ANKRD36: variants seen among roughly 807,000 people sequenced by gnomAD.
The protein encoded by ANKRD36 is ankyrin repeat domain 36.
A neutral mutation model predicts 278.1 loss-of-function variants in ANKRD36; 179 were observed. The observed-to-expected ratio is 0.64, with a 90% CI of 0.57 to 0.73. The LOEUF is 0.73. ANKRD36 is among the 30% of genes least tolerant of loss of function. The pLI, the probability that ANKRD36 is intolerant of heterozygous loss-of-function variation, is 0.00. For synonymous variants in ANKRD36, 320 were observed against 641.1 expected (o/e 0.50, Z 7.57); for missense variants, 1,159 against 1,956.7 (o/e 0.59, Z 7.69).
At chr2:97,196,212 G>C (rs549308560) in intron 40 of ANKRD36, among the ~76,000 whole-genome samples, 1 of 152,094 alleles carries the variant, frequency 6.6e-6, no homozygotes, top group Admixed American at 6.5e-5. Context: ...CTTTTGATTT[G>C]TTGCGTGAAA....
intron 36 of ANKRD36, among the ~76,000 whole-genome samples, chr2:97,191,470 A>G (rs1488223899): frequency 6.6e-6 from 1 of 151,660 alleles, no homozygotes; most frequent in Non-Finnish European, 1.5e-5. Flanking sequence ...CTTTAACTCT[A>G]CAGCGTTTTC....
At chr2:97,190,625 G>A (rs949157348) in intron 34 of ANKRD36, among the ~76,000 whole-genome samples, 8 of 151,510 alleles carry the variant, frequency 5.3e-5, no homozygotes, top group African/African-American at 1.9e-4. Context: ...GGATCATGTA[G>A]CACCTGCTTT....
intron 12 of ANKRD36, among the ~76,000 whole-genome samples, chr2:97,150,205 G>C (rs2045545219): frequency 6.6e-6 from 1 of 151,718 alleles, no homozygotes; most frequent in Non-Finnish European, 1.5e-5. Context: ...TAACCTGTTT[G>C]ATAAACAGAG....
In ANKRD36 at chr2:97,191,179, C is replaced by A; in HGVS notation, c.2345C>A (p.Thr782Lys). The A allele has an allele frequency of 3.1e-6, 5 of 1,588,456 alleles. No homozygotes were observed. In the South Asian group the frequency reaches 5.7e-5, roughly 18 times the overall value. The change falls in exon 36 of 76, where the codon ACA (threonine) becomes AAA (lysine). Residue 782 changes from threonine (T) to lysine (K), a missense_variant and splice_region_variant. Thr to Lys is a moderately conservative substitution (Grantham distance 78, BLOSUM62 -1). Coordinates refer to ENST00000420699, the MANE Select transcript of ANKRD36 (RefSeq NM_001354587.1). ...ATAAAGGATGGAGAAAAATCTGGGACAGGTAATTTTGCAAAAGACATTTAA... is the reference window on the plus strand; with the variant it reads ...ATAAAGGATGGAGAAAAATCTGGGAAAGGTAATTTTGCAAAAGACATTTAA... ...TEIKDGEKSG[T>K]VSSQKPPALT...
At chr2:97,198,863 C>T (rs1222921699) in intron 44 of ANKRD36, among the ~76,000 whole-genome samples, 1 of 151,762 alleles carries the variant, frequency 6.6e-6, no homozygotes, top group Non-Finnish European at 1.5e-5. Flanking sequence ...CACTTCCCCA[C>T]ATTGAAATTG....
At chr2:97,147,852 A>G (rs2044704356) in intron 11 of ANKRD36, among the ~76,000 whole-genome samples, 1 of 151,950 alleles carries the variant, frequency 6.6e-6, no homozygotes, top group Non-Finnish European at 1.5e-5. Context: ...TGATAAAGAT[A>G]AGGGAAATGA....
intron 15 of ANKRD36, among the ~76,000 whole-genome samples, chr2:97,157,120 G>GT (rs1268959271): frequency 8.6e-5 from 10 of 116,154 alleles, no homozygotes; most frequent in East Asian, 2.3e-4. Context: ...ATTGGTTTTT[G>GT]TTTTTTTTTC....
intron 28 of ANKRD36, among the ~76,000 whole-genome samples, chr2:97,184,050 C>T (rs2056865579): frequency 6.6e-6 from 1 of 151,626 alleles, no homozygotes; most frequent in African/African-American, 2.4e-5. Flanking sequence ...CATAATAACC[C>T]GTAGACACTG....
chr2:97,184,463 T>C (rs1206155446), intron 28 of ANKRD36, among the ~76,000 whole-genome samples: 4 of 151,778 alleles, frequency 2.6e-5, no homozygotes, highest in Admixed American at 2.0e-4. Flanking sequence ...TACAATGATA[T>C]TCCAGAGTAG....
chr2:97,157,359 CTT>C (rs898076294), intron 15 of ANKRD36, among the ~76,000 whole-genome samples: 2 of 151,196 alleles, frequency 1.3e-5, no homozygotes, highest in Non-Finnish European at 2.9e-5. Flanking sequence ...GGTCATGTCT[CTT>C]TTTTTGTTTG....
chr2:97,160,332 G>C (rs1207235759), intron 17 of ANKRD36, among the ~76,000 whole-genome samples: 1 of 150,562 alleles, frequency 6.6e-6, no homozygotes, highest in Non-Finnish European at 1.5e-5. Flanking sequence ...TGCCAACAGA[G>C]TACACAGAAT....
At chr2:97,200,237 A>C in intron 44 of ANKRD36, 97 bp from the exon 45 acceptor site, 1 of 1,579,768 alleles carries the variant, frequency 6.3e-7, no homozygotes, top group Non-Finnish European at 8.6e-7. Flanking sequence ...CACTAATACA[A>C]GCAGGAGGAC....
intron 8 of ANKRD36, 144 bp from the exon 9 acceptor site, chr2:97,144,374 C>G (rs1373945856): frequency 8.4e-6 from 10 of 1,194,770 alleles, no homozygotes; most frequent in Non-Finnish European, 1.2e-5. Context: ...TGTCATGTTC[C>G]TGTCCCAATA....
rs140781014 is a variant in ANKRD36, at chr2:97,191,599, G to A, written c.2347+418G>A. 4.9e-3 allele frequency among the ~76,000 whole-genome samples: 743 copies of A among 151,706 alleles called. 5 individuals carry two copies. The Middle Eastern group carries it at 0.054, about 11-fold the overall frequency. On this transcript the variant is annotated intron_variant, in intron 36 of 75. Transcript: ENST00000420699. The stretch of plus-strand genomic sequence containing the variant: ...ATAGACACTGTAGAAGGAGACCTAC[G>A]GAGACCCCTCCTGTAGCAATTATTT...
At chr2:97,169,749 G>A (rs2051841090) in intron 22 of ANKRD36, among the ~76,000 whole-genome samples, 1 of 152,234 alleles carries the variant, frequency 6.6e-6, no homozygotes, top group African/African-American at 2.4e-5. Context: ...TCTTCAGGGA[G>A]AACTACAAAC....
At chr2:97,127,821 T>G (rs2153423233) in intron 6 of ANKRD36, among the ~76,000 whole-genome samples, 1 of 152,214 alleles carries the variant, frequency 6.6e-6, no homozygotes, top group South Asian at 2.1e-4. Flanking sequence ...TTCATTTGTT[T>G]TACTTAATTT....
At chr2:97,136,206 C>T (rs1481794590) in intron 6 of ANKRD36, among the ~76,000 whole-genome samples, 1 of 146,772 alleles carries the variant, frequency 6.8e-6, no homozygotes, top group Non-Finnish European at 1.5e-5. Flanking sequence ...GGAGAGCATC[C>T]AGGTAGCTGT....
At chr2:97,162,353 C>T (rs374443130) in intron 18 of ANKRD36, among the ~76,000 whole-genome samples, 2,204 of 96,758 alleles carry the variant, frequency 0.023, no homozygotes, top group African/African-American at 0.046. Flanking sequence ...AATTATAAGC[C>T]TAATTTTAAT....
At chr2:97,198,403 T>C in intron 42 of ANKRD36, 60 bp from the exon 43 acceptor site, 4 of 1,554,132 alleles carry the variant, frequency 2.6e-6, no homozygotes, top group South Asian at 1.2e-5. Flanking sequence ...ACTGTATGAA[T>C]GTATGGATAA....
Sources: gnomAD v4.1 joint callset for allele counts (sites outside exome capture counted in the v4.1 genomes callset) on GRCh38, gnomAD v4.1.1 for gene constraint, MANE v1.5 for transcripts, NCBI Gene and HGNC (gene_info 2026-07-23, HGNC 2026-07-21) for gene names.